Variants in ADAM12 observed in about 807,000 individuals in gnomAD.
ADAM12 encodes the protein disintegrin and metalloproteinase domain-containing protein 12.
A neutral mutation model predicts 106.4 loss-of-function variants in ADAM12; 70 were observed. The observed-to-expected ratio is 0.66, with a 90% CI of 0.54 to 0.80. The LOEUF (loss-of-function observed/expected upper bound fraction) is 0.80, where lower values mean the gene tolerates loss of function less well. ADAM12 is among the 30% of genes least tolerant of loss of function. ADAM12 has a pLI of 0.00. For synonymous variants in ADAM12, 420 were observed against 433.5 expected (o/e 0.97, Z 0.39); for missense variants, 1,010 against 1,171.9 (o/e 0.86, Z 2.02).
At chr10:126,323,277 T>C (rs1323749722) in intron 2 of ADAM12, among the ~76,000 whole-genome samples, 1 of 152,150 alleles carries the variant, frequency 6.6e-6, no homozygotes, top group Non-Finnish European at 1.5e-5. Context: ...ACTCCTGCAA[T>C]TACTCGAATA....
At chr10:126,321,097 G>A (rs754556620) in intron 2 of ADAM12, among the ~76,000 whole-genome samples, 4 of 152,094 alleles carry the variant, frequency 2.6e-5, no homozygotes, top group Non-Finnish European at 5.9e-5. Flanking sequence ...GCATTCATAC[G>A]TCCTTGGGCA....
rs570799470 is a variant in ADAM12, at chr10:126,263,038, G to A, written c.260+15877C>T. ...GAACAGCACTCAGCACCATGTGGAA[G>A]GAGCCACTCGCTCAGGGTTTCCTGG... On this transcript the variant is annotated intron_variant, in intron 3 of 22. Transcript: ENST00000448723. Among the ~76,000 whole-genome samples, 4 of 152,336 alleles carry A rather than the reference G, an allele frequency of 2.6e-5. No homozygotes were observed. In the East Asian group the frequency reaches 7.7e-4, roughly 29 times the overall value.
intron 6 of ADAM12, among the ~76,000 whole-genome samples, chr10:126,113,997 C>T (rs923304568): frequency 3.9e-5 from 6 of 152,114 alleles, no homozygotes; most frequent in East Asian, 1.9e-4. Context: ...TTCTCTTCCT[C>T]TAGGCAAGAA....
intron 1 of ADAM12, among the ~76,000 whole-genome samples, chr10:126,385,266 C>G (rs1043936521): frequency 6.6e-6 from 1 of 152,094 alleles, no homozygotes; most frequent in South Asian, 2.1e-4. Flanking sequence ...TTATGGAGGC[C>G]TAATTACACA....
intron 17 of ADAM12, among the ~76,000 whole-genome samples, chr10:126,044,319 G>C (rs1954258839): frequency 6.6e-6 from 1 of 151,816 alleles, no homozygotes; most frequent in Admixed American, 6.6e-5. Flanking sequence ...TGAATCCTTT[G>C]GGAACACTGG....
rs1018648383 is a variant in ADAM12, at chr10:126,038,295, G to A, written c.2295C>T (p.Leu765=). ...PRGFQPCQAH[L]GHLGKGLMRK... ...TCATCAGGCCTTTTCCAAGGTGGCCGAGGTGAGCCTGACAGGGTTGGAAGC... is the reference window on the plus strand; with the variant it reads ...TCATCAGGCCTTTTCCAAGGTGGCCAAGGTGAGCCTGACAGGGTTGGAAGC... Residue 765 remains leucine, a synonymous_variant, in exon 20 of 23, where the codon CTC becomes CTT. Transcript: ENST00000448723. 84 of 1,612,166 alleles carry A rather than the reference G, an allele frequency of 5.2e-5. No individual in the cohort carries two copies. The highest frequency in any genetic ancestry group is 6.7e-5 in the East Asian group (3 of 44,820).
In ADAM12 at chr10:126,049,551, G is replaced by C. The variant is rs1565012881; in HGVS notation, c.1718+10C>G. On this transcript the variant is annotated intron_variant, in intron 15 of 22. Coordinates refer to ENST00000448723, the MANE Select transcript of ADAM12 (RefSeq NM_001288973.2). The surrounding 1 kb of genome is among the most constrained non-coding windows in gnomAD (Gnocchi z 4.4). ...AGCAAAGACTTTGCCAGGATGTCTGGATTCCATACCTCATCTCGCATTTGG... is the reference window on the plus strand; with the variant it reads ...AGCAAAGACTTTGCCAGGATGTCTGCATTCCATACCTCATCTCGCATTTGG... The C allele has an allele frequency of 6.2e-7, 1 of 1,614,070 alleles. No homozygotes were observed. Among genetic ancestry groups the C allele is most frequent in the Non-Finnish European group, 8.5e-7 (1 of 1,179,916 alleles).
At chr10:126,298,465 A>C (rs560292431) in intron 2 of ADAM12, among the ~76,000 whole-genome samples, 1 of 152,342 alleles carries the variant, frequency 6.6e-6, no homozygotes, top group African/African-American at 2.4e-5. Context: ...AATCGGTCTG[A>C]AGAAAATATG....
intron 18 of ADAM12, 73 bp downstream of exon 18, chr10:126,042,967 G>A (rs7922601): frequency 0.29 from 407,288 of 1,428,206 alleles, 61,287 homozygotes; most frequent in African/African-American, 0.44. Context: ...CTGCACCCAT[G>A]CTGACAGCTG....
intron 21 of ADAM12, among the ~76,000 whole-genome samples, chr10:126,031,006 T>C (rs1481327829): frequency 1.3e-5 from 2 of 152,220 alleles, no homozygotes; most frequent in Non-Finnish European, 2.9e-5. Context: ...GATCAGTCTA[T>C]GCCTTCAGAA....
intron 3 of ADAM12, among the ~76,000 whole-genome samples, chr10:126,175,219 C>T (rs1010963380): frequency 2.6e-5 from 4 of 152,124 alleles, no homozygotes; most frequent in Non-Finnish European, 4.4e-5. Flanking sequence ...TACAAATAAG[C>T]GAAGAACGCT....
intron 2 of ADAM12, among the ~76,000 whole-genome samples, chr10:126,295,532 TACACAC>T (rs1047274012): frequency 2.0e-5 from 3 of 147,560 alleles, no homozygotes; most frequent in Non-Finnish European, 3.0e-5. Flanking sequence ...ACCACAAAAA[TACACAC>T]ACACACACAT....
At chr10:126,333,707 CA>C (rs1163216530) in intron 1 of ADAM12, among the ~76,000 whole-genome samples, 1 of 152,180 alleles carries the variant, frequency 6.6e-6, no homozygotes, top group Non-Finnish European at 1.5e-5. Flanking sequence ...GAGAAAGACA[CA>C]GTTATTTAGT....
intron 14 of ADAM12, among the ~76,000 whole-genome samples, chr10:126,054,781 G>T (rs1180399705): frequency 2.0e-5 from 3 of 152,050 alleles, no homozygotes; most frequent in Non-Finnish European, 4.4e-5. Flanking sequence ...CTCCTGGCAT[G>T]TGGCAGACCC....
rs1565006590 is a variant in ADAM12 at position 126,043,183 on chromosome 10, G to A, written c.1996-35C>T. On this transcript the variant is annotated intron_variant, in intron 17 of 22. Coordinates refer to ENST00000448723, the MANE Select transcript of ADAM12 (RefSeq NM_001288973.2). This position sits in a 1 kb window ranked among gnomAD's most constrained non-coding sequence, Gnocchi z 4.1. Reference sequence around the variant, plus strand: ...CAGAGGGGAGGGACGTGGGGTTAGGGCATATGCTCTGTGCATCACCACAGC... The same window carrying A: ...CAGAGGGGAGGGACGTGGGGTTAGGACATATGCTCTGTGCATCACCACAGC... The A allele has an allele frequency of 6.3e-7, 1 of 1,594,768 alleles. No individual in the cohort carries two copies. Among genetic ancestry groups the A allele is most frequent in the Non-Finnish European group, 8.6e-7 (1 of 1,165,050 alleles).
At chr10:126,354,024 T>C (rs759685421) in intron 1 of ADAM12, among the ~76,000 whole-genome samples, 9 of 147,750 alleles carry the variant, frequency 6.1e-5, no homozygotes, top group Non-Finnish European at 1.3e-4. Flanking sequence ...TTTTTTATAA[T>C]GTTAACAAGC....
intron 3 of ADAM12, among the ~76,000 whole-genome samples, chr10:126,255,686 C>G (rs775721582): frequency 5.9e-5 from 9 of 152,214 alleles, no homozygotes; most frequent in Non-Finnish European, 8.8e-5. Context: ...TTCGTCTTAC[C>G]TTTCTTTGAA....
At chr10:126,079,250 G>T (rs1366392712) in intron 11 of ADAM12, among the ~76,000 whole-genome samples, 1 of 152,024 alleles carries the variant, frequency 6.6e-6, no homozygotes, top group Non-Finnish European at 1.5e-5. Context: ...TCACAATGTT[G>T]TGTAGCCATC....
rs1247190174 is a variant in ADAM12 at position 126,012,439 on chromosome 10, T to A, written c.*4840A>T. On this transcript the variant is annotated 3_prime_UTR_variant, in exon 23 of 23. Transcript: ENST00000448723. ...GTTTAATATTCATAACAATAACTTT[T>A]TCTACTGAAATAGCAGTTTGTGTTT... 6.6e-6 allele frequency: 1 copy of A among 152,236 alleles called. No homozygotes were observed. Among genetic ancestry groups the A allele is most frequent in the East Asian group, 1.9e-4 (1 of 5,208 alleles). The allele number at this position is 152,236 out of a possible 1,614,324, so 9.4% of individuals were successfully genotyped here. A position where few individuals can be genotyped will look rare whatever the true frequency, so the allele number is the denominator to read the frequency against.
Sources: allele counts gnomAD v4.1 joint callset (sites outside exome capture counted in the v4.1 genomes callset), GRCh38; gene constraint gnomAD v4.1.1; non-coding constraint Gnocchi (gnomAD v3.1); transcripts MANE v1.5; gene names NCBI Gene and HGNC (gene_info 2026-07-23, HGNC 2026-07-21).